The following PUS7 variants were observed in gnomAD, a reference collection of about 807,000 sequenced individuals.
PUS7 encodes the protein pseudouridylate synthase 7 homolog.
A neutral mutation model predicts 79.8 loss-of-function variants in PUS7; 48 were observed. The observed-to-expected ratio is 0.60, with a 90% CI of 0.48 to 0.76. The LOEUF (loss-of-function observed/expected upper bound fraction) is 0.76. Ranked by LOEUF, PUS7 falls within the 30% of genes least tolerant of loss-of-function variation. The pLI is 0.00. For synonymous variants in PUS7, 286 were observed against 272.2 expected (o/e 1.05, Z -0.50); for missense variants, 729 against 797.6 (o/e 0.91, Z 1.04).
intron 1 of PUS7, among the ~76,000 whole-genome samples, chr7:105,513,967 C>A (rs1825796529): frequency 7.2e-6 from 1 of 138,478 alleles, no homozygotes; most frequent in African/African-American, 2.6e-5. Flanking sequence ...AATCCCAGCA[C>A]TTTGGGAGGC....
intron 9 of PUS7, among the ~76,000 whole-genome samples, chr7:105,477,492 C>CCGACCTCAA (rs1824160174): frequency 6.6e-6 from 1 of 151,960 alleles, no homozygotes. Context: ...TCAAGCAATC[C>CCGACCTCAA]GCCACCCACC....
chr7:105,499,596 G>A (rs996442336), intron 5 of PUS7, among the ~76,000 whole-genome samples: 1 of 152,100 alleles, frequency 6.6e-6, no homozygotes, highest in Non-Finnish European at 1.5e-5. Flanking sequence ...AAAGCAATGT[G>A]CCCTATCAGA....
At chr7:105,510,949 C>T (rs1170861114) in intron 1 of PUS7, among the ~76,000 whole-genome samples, 2 of 152,092 alleles carry the variant, frequency 1.3e-5, no homozygotes, top group Non-Finnish European at 2.9e-5. Context: ...AATGAATATG[C>T]TAGTTCTCCA....
At chr7:105,519,568 A>G (rs1826025844) in intron 1 of PUS7, among the ~76,000 whole-genome samples, 1 of 152,216 alleles carries the variant, frequency 6.6e-6, no homozygotes, top group South Asian at 2.1e-4. Context: ...TCTAATATGC[A>G]AAATCATTAA....
intron 11 of PUS7, among the ~76,000 whole-genome samples, chr7:105,469,639 T>C (rs1217435847): frequency 6.6e-6 from 1 of 152,148 alleles, no homozygotes; most frequent in African/African-American, 2.4e-5. Context: ...TTTGTATTTT[T>C]AGTAGAGACA....
chr7:105,483,501 G>A (rs1824415820), intron 7 of PUS7, among the ~76,000 whole-genome samples: 1 of 152,124 alleles, frequency 6.6e-6, no homozygotes, highest in East Asian at 1.9e-4. Flanking sequence ...GTTTCACCAT[G>A]TTGGCCAGGC....
At chr7:105,486,555 T>C (rs1227407959) in intron 7 of PUS7, among the ~76,000 whole-genome samples, 1 of 152,098 alleles carries the variant, frequency 6.6e-6, no homozygotes, top group African/African-American at 2.4e-5. Flanking sequence ...CCAAGGAATC[T>C]AGAAGCGGAG....
At chr7:105,508,589 G>A in intron 1 of PUS7, 45 bp from the exon 2 acceptor site, 1 of 1,538,184 alleles carries the variant, frequency 6.5e-7, no homozygotes, top group Non-Finnish European at 8.7e-7. Flanking sequence ...TATAAAAGCT[G>A]GTTTCAGGCC....
chr7:105,475,878 C>A (rs1824088179), intron 9 of PUS7, among the ~76,000 whole-genome samples: 1 of 152,084 alleles, frequency 6.6e-6, no homozygotes, highest in South Asian at 2.1e-4. Flanking sequence ...CTGTAAGACA[C>A]CATTCTACTT....
Position 105,490,526 on chromosome 7 carries a change from C to T in PUS7, c.920+1014G>A, listed in dbSNP as rs552234932. 1.8e-4 allele frequency among the ~76,000 whole-genome samples: 27 copies of T among 152,174 alleles called. No homozygotes were observed. The South Asian group carries it at 4.8e-3, about 27-fold the overall frequency. Reference sequence around the variant, plus strand: ...AGTTTTGCATGTCTTGCTCCACCGGCGATCCATAATCCAGCCTCTATACAC... The same window carrying T: ...AGTTTTGCATGTCTTGCTCCACCGGTGATCCATAATCCAGCCTCTATACAC... On this transcript the variant is annotated intron_variant, in intron 7 of 15. Coordinates refer to ENST00000469408, the MANE Select transcript of PUS7 (RefSeq NM_019042.5).
intron 9 of PUS7, among the ~76,000 whole-genome samples, chr7:105,476,409 G>C (rs1256658343): frequency 6.6e-6 from 1 of 152,066 alleles, no homozygotes; most frequent in East Asian, 1.9e-4. Flanking sequence ...CCAGGCTGGA[G>C]TGTAGTGCTA....
intron 9 of PUS7, among the ~76,000 whole-genome samples, chr7:105,479,990 C>A (rs1824255071): frequency 6.6e-6 from 1 of 151,376 alleles, no homozygotes; most frequent in Non-Finnish European, 1.5e-5. Context: ...AGCAAGACTT[C>A]ATCTCAAAAA....
chr7:105,479,193 A>T (rs1824221253), intron 9 of PUS7, among the ~76,000 whole-genome samples: 1 of 152,204 alleles, frequency 6.6e-6, no homozygotes, highest in Non-Finnish European at 1.5e-5. Flanking sequence ...CATTCTACAG[A>T]TGAGTAATTT....
At chr7:105,478,630 C>T (rs540013741) in intron 9 of PUS7, among the ~76,000 whole-genome samples, 2 of 152,166 alleles carry the variant, frequency 1.3e-5, no homozygotes, top group African/African-American at 4.8e-5. Flanking sequence ...TCTGTTCAGA[C>T]CCTTTGCTAA....
chr7:105,505,680 T>A (rs73716799), intron 4 of PUS7, among the ~76,000 whole-genome samples: 14,082 of 152,222 alleles, frequency 0.093, 962 homozygotes, highest in African/African-American at 0.19. Context: ...GGCTTCAGCC[T>A]TCGGAGTAGC....
rs763641073 is a variant in PUS7, at chr7:105,457,468, G to T, written c.*322C>A. Reference sequence around the variant, plus strand: ...GTCAAATACTCCTGCTGTCTTTTGAGAATGTAGCAAAACCTAAACCTGCTA... The same window carrying T: ...GTCAAATACTCCTGCTGTCTTTTGATAATGTAGCAAAACCTAAACCTGCTA... On this transcript the variant is annotated 3_prime_UTR_variant, in exon 16 of 16. Coordinates refer to ENST00000469408, the MANE Select transcript of PUS7 (RefSeq NM_019042.5). The T allele has an allele frequency of 1.1e-5, 2 of 183,452 alleles. No individual in the cohort carries two copies. Among genetic ancestry groups the T allele is most frequent in the Non-Finnish European group, 2.3e-5 (2 of 88,182 alleles). 11.4% of individuals were successfully genotyped at this position (183,452 alleles called of 1,614,324 possible).
intron 8 of PUS7, among the ~76,000 whole-genome samples, chr7:105,481,416 G>T (rs1824315006): frequency 6.6e-6 from 1 of 152,136 alleles, no homozygotes; most frequent in Non-Finnish European, 1.5e-5. Context: ...TTATGGCAGA[G>T]GTTGCAATTT....
chr7:105,468,508 T>C (rs901209456), intron 11 of PUS7, 45 bp from the exon 12 acceptor site: 1 of 1,514,438 alleles, frequency 6.6e-7, no homozygotes, highest in Admixed American at 2.1e-5. Context: ...ATTCTAAATA[T>C]AAAAAGTGCT....
intron 7 of PUS7, among the ~76,000 whole-genome samples, chr7:105,483,585 T>C (rs1659045732): frequency 6.6e-6 from 1 of 151,876 alleles, no homozygotes; most frequent in Non-Finnish European, 1.5e-5. Context: ...AGGCGTGAGA[T>C]AAGTTCAAGA....
Sources: allele counts gnomAD v4.1 joint callset (sites outside exome capture counted in the v4.1 genomes callset), GRCh38; gene constraint gnomAD v4.1.1; transcripts MANE v1.5; gene names NCBI Gene and HGNC (gene_info 2026-07-23, HGNC 2026-07-21).